Variants in MINK1 observed in about 807,000 individuals in gnomAD.
MINK1 encodes misshapen-like kinase 1.
MINK1 carries 46 observed loss-of-function variants against 178.4 expected under a neutral mutation model. The observed-to-expected ratio is 0.26, with a 90% CI of 0.20 to 0.33. The LOEUF (loss-of-function observed/expected upper bound fraction) is 0.33. Ranked by LOEUF, MINK1 falls within the 10% of genes least tolerant of loss-of-function variation. MINK1 has a pLI of 1.00. For synonymous variants in MINK1, 797 were observed against 709.7 expected (o/e 1.12, Z -1.96); for missense variants, 1,366 against 1,814.9 (o/e 0.75, Z 4.49).
chr17:4,848,205 G>A (rs544353968), intron 1 of MINK1, among the ~76,000 whole-genome samples: 1 of 152,278 alleles, frequency 6.6e-6, no homozygotes, highest in South Asian at 2.1e-4. Context: ...TGAAGACAGG[G>A]AATTGTTCCT....
chr17:4,894,697 A>G lies in MINK1; in HGVS notation c.2917+64A>G, dbSNP rs369698873. The G allele has an allele frequency of 2.4e-6, 3 of 1,262,082 alleles. No homozygotes were observed. Among genetic ancestry groups the G allele is most frequent in the South Asian group, 2.6e-5 (2 of 78,384 alleles). The allele number at this position is 1,262,082 out of a possible 1,614,324, so 78.2% of individuals were successfully genotyped here. On this transcript the variant is annotated intron_variant, in intron 24 of 31. Transcript: ENST00000355280. The surrounding 1 kb of genome is among the most constrained non-coding windows in gnomAD (Gnocchi z 4.1). ...CCAGGGGCAGCCTGGAGGGGAGCAC[A>G]GTGGTCTTGAGACGCAGCCTCACAA...
chr17:4,840,130 T>G (rs1909994381), intron 1 of MINK1, among the ~76,000 whole-genome samples: 1 of 152,150 alleles, frequency 6.6e-6, no homozygotes, highest in Non-Finnish European at 1.5e-5. Flanking sequence ...AAAACTTTTA[T>G]AAGACAAAAA....
rs1404782489 is a variant in MINK1, at chr17:4,894,548, G to A, written c.2832G>A (p.Lys944=). ...AGTACCAGTCTCGTGGGCTGGTAAA[G>A]GCCCCTGGCAAGAGCTCGTTCACGA... is the stretch of plus-strand genomic sequence containing the variant. ...SGDYQSRGLV[K]APGKSSFTMF... is the part of the protein sequence containing the mutation. The change falls in exon 24 of 32, where the codon AAG becomes AAA. Residue 944 remains lysine (K), a synonymous_variant. Transcript: ENST00000355280. This position sits in a 1 kb window ranked among gnomAD's most constrained non-coding sequence, Gnocchi z 4.1. The A allele has an allele frequency of 6.2e-7, 1 of 1,606,424 alleles. No individual in the cohort carries two copies. The highest frequency in any genetic ancestry group is 2.2e-5 in the East Asian group (1 of 44,608).
At chr17:4,872,522 C>T (rs1227157346) in intron 1 of MINK1, among the ~76,000 whole-genome samples, 1 of 151,564 alleles carries the variant, frequency 6.6e-6, no homozygotes, top group Non-Finnish European at 1.5e-5. Flanking sequence ...CCTGTAATCC[C>T]AGCACTTTGG....
At chr17:4,883,350 GC>G (rs970107999) in intron 4 of MINK1, 1 of 151,190 alleles carries the variant, frequency 6.6e-6, no homozygotes, top group African/African-American at 2.4e-5. Context: ...GATTACAGGT[GC>G]CCACCACCAC....
In MINK1 at chr17:4,892,968, C is replaced by T. The variant is rs752717407; in HGVS notation, c.2312-11C>T. ...CAGGCATCAGTGACCTTCTTCCACC[C>T]TGCCGTCCAGTCTCCTCCAAACCGG... On this transcript the variant is annotated splice_polypyrimidine_tract_variant and intron_variant, in intron 19 of 31. Coordinates refer to ENST00000355280, the MANE Select transcript of MINK1 (RefSeq NM_153827.5). 1 of 1,553,282 alleles carries T rather than the reference C, an allele frequency of 6.4e-7. No individual in the cohort carries two copies. The highest frequency in any genetic ancestry group is 1.2e-5 in the South Asian group (1 of 84,392).
rs1555539684 is a variant in MINK1 at position 4,887,670 on chromosome 17, ACAG to A, written c.1121_1123del (p.Gln374del). ...ATAAGAGCAACTCAGAGGCTTTAAA[ACAG>A]CAGCAGCAGCTGCAGCAGCAGCAGC... On this transcript the variant is annotated inframe_deletion, in exon 12 of 32. Transcript: ENST00000355280. This position sits in a 1 kb window ranked among gnomAD's most constrained non-coding sequence, Gnocchi z 7.6. The A allele has an allele frequency of 2.6e-6, 4 of 1,566,660 alleles. No individual in the cohort carries two copies. Among genetic ancestry groups the A allele is most frequent in the Non-Finnish European group, 3.5e-6 (4 of 1,157,300 alleles).
intron 21 of MINK1, 148 bp downstream of exon 21, chr17:4,893,745 C>T (rs376607862): frequency 1.7e-5 from 21 of 1,208,596 alleles, no homozygotes; most frequent in Non-Finnish European, 2.2e-5. Context: ...GTTCCTGTCT[C>T]TCTCCCGCTG....
Position 4,896,324 on chromosome 17 carries a change from C to T in MINK1, c.3597C>T (p.Asp1199=). The change falls in exon 29 of 32, where the codon GAC becomes GAT. Residue 1199 remains aspartate, a synonymous_variant. Coordinates refer to ENST00000355280, the MANE Select transcript of MINK1 (RefSeq NM_153827.5). The surrounding 1 kb of genome is among the most constrained non-coding windows in gnomAD (Gnocchi z 4.6). ...AVDVDSGNSY[D]IYIPVHIQSQ... is the part of the protein sequence containing the mutation. Reference sequence around the variant, plus strand: ...ATGTCGACTCGGGGAACAGCTATGACATCTACATCCCTGTGCACGTGAGCT... The same window carrying T: ...ATGTCGACTCGGGGAACAGCTATGATATCTACATCCCTGTGCACGTGAGCT... 1 of 1,599,348 alleles carries T rather than the reference C, an allele frequency of 6.3e-7. No individual in the cohort carries two copies. The highest frequency in any genetic ancestry group is 8.5e-7 in the Non-Finnish European group (1 of 1,172,420).
chr17:4,860,587 T>C (rs1184131092), intron 1 of MINK1, among the ~76,000 whole-genome samples: 1 of 152,228 alleles, frequency 6.6e-6, no homozygotes, highest in African/African-American at 2.4e-5. Context: ...CTGTTGATGC[T>C]GGGCCCCAGG....
intron 12 of MINK1, among the ~76,000 whole-genome samples, chr17:4,889,347 G>A (rs1348452470): frequency 6.6e-6 from 1 of 152,142 alleles, no homozygotes; most frequent in Admixed American, 6.5e-5. Flanking sequence ...CTTGTTTTGA[G>A]TTCGGCTTTG....
In MINK1 at chr17:4,896,759, C is replaced by T. The variant is rs773190187; in HGVS notation, c.3861C>T (p.Val1287=). 4 of 1,598,496 alleles carry T rather than the reference C, an allele frequency of 2.5e-6. No homozygotes were observed. Among genetic ancestry groups the T allele is most frequent in the Non-Finnish European group, 3.4e-6 (4 of 1,171,798 alleles). The change falls in exon 31 of 32, where the codon GTC becomes GTT. Residue 1287 remains valine (V), a synonymous_variant. Coordinates refer to ENST00000355280, the MANE Select transcript of MINK1 (RefSeq NM_153827.5). The surrounding 1 kb of genome is among the most constrained non-coding windows in gnomAD (Gnocchi z 4.6). ...TGGAGACGGGCCACCTCGACGGGGT[C>T]TTCATGCACAAACGAGCTCAGAGGC... The part of the protein sequence containing the change: ...RSVETGHLDG[V]FMHKRAQRLK...
chr17:4,862,934 C>G (rs1306381022), intron 1 of MINK1, among the ~76,000 whole-genome samples: 1 of 152,056 alleles, frequency 6.6e-6, no homozygotes, highest in Non-Finnish European at 1.5e-5. Flanking sequence ...ACTCAGGAAG[C>G]TGAGGTGGGA....
intron 1 of MINK1, among the ~76,000 whole-genome samples, chr17:4,862,195 A>G (rs1761553978): frequency 6.6e-6 from 1 of 152,158 alleles, no homozygotes; most frequent in South Asian, 2.1e-4. Context: ...AAAGGGAGAG[A>G]TGCAGCAGAG....
rs779961283 is a variant in MINK1 at position 4,896,220 on chromosome 17, C to G, written c.3493C>G (p.Leu1165Val). 3 of 1,601,524 alleles carry G rather than the reference C, an allele frequency of 1.9e-6. No individual in the cohort carries two copies. The highest frequency in any genetic ancestry group is 4.5e-5 in the East Asian group (2 of 44,816). Residue 1165 changes from leucine to valine, a missense_variant, in exon 29 of 32, where the codon CTG becomes GTG. Leu to Val is a conservative substitution (Grantham distance 32). Around this residue, in one of 14 missense-constraint regions of MINK1, gnomAD observed 201 missense variants for 240.7 expected, o/e 0.84. Transcript: ENST00000355280. The surrounding 1 kb of genome is among the most constrained non-coding windows in gnomAD (Gnocchi z 4.6). Reference protein sequence around the residue: ...KSFADLPHRPLLVDLTVEEGQ... With the variant: ...KSFADLPHRPVLVDLTVEEGQ... ...CTTTGCCGACCTCCCCCACCGCCCTCTGCTGGTCGACCTGACAGTAGAGGA... is the reference window on the plus strand; with the variant it reads ...CTTTGCCGACCTCCCCCACCGCCCTGTGCTGGTCGACCTGACAGTAGAGGA...
intron 13 of MINK1, 150 bp downstream of exon 13, chr17:4,889,913 C>T (rs1261364758): frequency 1.6e-6 from 1 of 639,062 alleles, no homozygotes; most frequent in Non-Finnish European, 2.7e-6. Flanking sequence ...TTTTCTCCCA[C>T]CCTTCAACCC....
In MINK1 at chr17:4,894,237, G is replaced by A. The variant is rs755250533; in HGVS notation, c.2734G>A (p.Val912Met). The A allele has an allele frequency of 2.5e-6, 4 of 1,613,216 alleles. No individual in the cohort carries two copies. The highest frequency in any genetic ancestry group is 1.6e-4 in the Middle Eastern group (1 of 6,062). The change falls in exon 23 of 32, where the codon GTG becomes ATG. Residue 912 changes from valine to methionine, a missense_variant. This residue lies in a region of MINK1 where 709 missense variants were observed against 692.3 expected (regional missense o/e 1.02). Coordinates refer to ENST00000355280, the MANE Select transcript of MINK1 (RefSeq NM_153827.5). The surrounding 1 kb of genome is among the most constrained non-coding windows in gnomAD (Gnocchi z 4.1). ...DSNGYTNLPD[V>M]VQPSHSPTEN... is the part of the protein sequence containing the mutation. ...CAATGGGTACACAAACCTGCCTGAC[G>A]TGGTCCAGCCCAGCCACTCACCCAC...
Position 4,881,842 on chromosome 17 carries a change from C to T in MINK1, c.306+585C>T, listed in dbSNP as rs563668623. On this transcript the variant is annotated intron_variant, in intron 4 of 31. Transcript: ENST00000355280. ...TCCCTAGCCTGGGCACTGGTGCTGA[C>T]ATGTTCCCCCAGCCTCACCCTTTGT... is the stretch of plus-strand genomic sequence containing the variant. 2.7e-4 allele frequency among the ~76,000 whole-genome samples: 41 copies of T among 152,378 alleles called. 1 individual carries two copies. In the East Asian group the frequency reaches 7.3e-3, roughly 27 times the overall value.
chr17:4,843,132 T>G (rs1910501654), intron 1 of MINK1, among the ~76,000 whole-genome samples: 1 of 152,160 alleles, frequency 6.6e-6, no homozygotes, highest in Non-Finnish European at 1.5e-5. Flanking sequence ...GGAAACTACC[T>G]GAGCCCCACG....
Sources: allele counts gnomAD v4.1 joint callset (sites outside exome capture counted in the v4.1 genomes callset), GRCh38; gene constraint gnomAD v4.1.1; regional missense constraint gnomAD v4.1.1; non-coding constraint Gnocchi (gnomAD v3.1); transcripts MANE v1.5; gene names NCBI Gene and HGNC (gene_info 2026-07-23, HGNC 2026-07-21).